Variants in EIF4A3 observed in about 807,000 individuals in gnomAD.
The protein encoded by EIF4A3 is eukaryotic initiation factor 4A-III.
EIF4A3 carries 1 observed loss-of-function variant against 55.6 expected under a neutral mutation model. The ratio of observed to expected loss-of-function variants is 0.02; its 90% confidence interval spans 0.01 to 0.09. EIF4A3 has a LOEUF of 0.09. Among genes scored for constraint, EIF4A3 ranks in the 10% least tolerant of loss-of-function variants. The pLI, the probability that EIF4A3 is intolerant of heterozygous loss-of-function variation, is 1.00. For missense variants in EIF4A3, 221 were observed against 540.7 expected, an observed-to-expected ratio of 0.41 and a Z score of 5.86; for synonymous variants, 194 against 196.3, an observed-to-expected ratio of 0.99 and a Z score of 0.10.
chr17:80,139,648 G>T, intron 6 of EIF4A3, 22 bp downstream of exon 6: 1 of 1,595,388 alleles, frequency 6.3e-7, no homozygotes, highest in Non-Finnish European at 8.6e-7. Context: ...CAGTAGAAGA[G>T]TAATTCTTTT....
Position 80,134,916 on chromosome 17 carries a change from C to A in EIF4A3, c.*574G>T, listed in dbSNP as rs972468025. Among the ~76,000 whole-genome samples, 1 of 152,046 alleles carries A rather than the reference C, an allele frequency of 6.6e-6. No individual in the cohort carries two copies. ...CCTGTAATCCCAGCACTTTGGGAGG[C>A]CGAGGTGGGTGGATCACGAGGTCAG... On this transcript the variant is annotated 3_prime_UTR_variant, in exon 12 of 12. Transcript: ENST00000649764.
At chr17:80,138,885 C>T (rs865822855) in intron 7 of EIF4A3, 136 bp downstream of exon 7, 4 of 1,171,596 alleles carry the variant, frequency 3.4e-6, no homozygotes, top group Non-Finnish European at 2.4e-6. Context: ...AAGAGGATAG[C>T]CTGAGGTCCG....
intron 1 of EIF4A3, 55 bp downstream of exon 1, chr17:80,146,738 C>G: frequency 6.4e-7 from 1 of 1,568,992 alleles, no homozygotes; most frequent in Non-Finnish European, 8.6e-7. Flanking sequence ...GCCCTCAGCC[C>G]CCGGCTCGCC....
intron 9 of EIF4A3, chr17:80,136,649 T>C (rs1295168150): frequency 3.3e-6 from 1 of 303,258 alleles, no homozygotes; most frequent in Non-Finnish European, 6.1e-6. Flanking sequence ...TACTTCACTT[T>C]TGCCTAGCAA....
At chr17:80,140,313 CTTTT>C (rs34707524) in intron 4 of EIF4A3, 173 bp from the exon 5 acceptor site, 3,540 of 416,946 alleles carry the variant, frequency 8.5e-3, no homozygotes, top group South Asian at 0.016. Flanking sequence ...GTTAATTTTG[CTTTT>C]TTTTTTTTTT....
At chr17:80,144,727 T>C (rs2039645623) in intron 1 of EIF4A3, among the ~76,000 whole-genome samples, 1 of 152,212 alleles carries the variant, frequency 6.6e-6, no homozygotes. Context: ...TCTCTCCTAC[T>C]AGCTAGCATT....
rs756324175 is a variant in EIF4A3 at position 80,138,979 on chromosome 17, G to A, written c.728+42C>T. On this transcript the variant is annotated intron_variant, in intron 7 of 11. Transcript: ENST00000649764. Reference sequence around the variant, plus strand: ...TTACGACATAAAATCCTTTATAAATGCGGCCCAGTGTTTTAGTAAACTTGA... The same window carrying A: ...TTACGACATAAAATCCTTTATAAATACGGCCCAGTGTTTTAGTAAACTTGA... 8.7e-6 allele frequency: 14 copies of A among 1,602,322 alleles called. No homozygotes were observed. The South Asian group carries it at 1.6e-4, about 18-fold the overall frequency.
At chr17:80,136,936 G>A (rs76264216) in intron 9 of EIF4A3, 2,541 of 155,872 alleles carry the variant, frequency 0.016, 67 homozygotes, top group African/African-American at 0.058. Flanking sequence ...CCTGGGTAAC[G>A]AAGTGAGACT....
At chr17:80,138,039 T>A in intron 8 of EIF4A3, 103 bp downstream of exon 8, 5 of 1,447,676 alleles carry the variant, frequency 3.5e-6, no homozygotes, top group Non-Finnish European at 4.7e-6. Flanking sequence ...AAGCTTAAAA[T>A]ATGGACAAAC....
intron 2 of EIF4A3, among the ~76,000 whole-genome samples, chr17:80,143,301 CTAAA>C (rs1434457370): frequency 6.6e-6 from 1 of 152,174 alleles, no homozygotes; most frequent in Non-Finnish European, 1.5e-5. Flanking sequence ...TAATAAACCA[CTAAA>C]TGTGTTTCCC....
At chr17:80,135,687 G>A (rs953475688) in intron 11 of EIF4A3, 181 bp from the exon 12 acceptor site, 3 of 632,828 alleles carry the variant, frequency 4.7e-6, no homozygotes, top group Admixed American at 3.2e-5. Context: ...TTTGAGGCCA[G>A]GAGTTCGAGA....
intron 4 of EIF4A3, 186 bp from the exon 5 acceptor site, chr17:80,140,326 T>C: frequency 1.2e-6 from 1 of 816,798 alleles, no homozygotes; most frequent in Non-Finnish European, 1.7e-6. Context: ...TTTTTTTTTT[T>C]TTTTTGAGAC....
intron 1 of EIF4A3, among the ~76,000 whole-genome samples, chr17:80,145,138 G>C (rs1299524499): frequency 6.6e-6 from 1 of 152,194 alleles, no homozygotes; most frequent in Admixed American, 6.5e-5. Context: ...CAGTGTCTTA[G>C]GGCAGGGACT....
At chr17:80,144,437 A>G (rs1050660682) in intron 1 of EIF4A3, among the ~76,000 whole-genome samples, 193 bp from the exon 2 acceptor site, 1 of 151,858 alleles carries the variant, frequency 6.6e-6, no homozygotes, top group Admixed American at 6.6e-5. Context: ...CTAACGTGGG[A>G]TATTATTTGT....
chr17:80,138,764 T>A (rs1021708288), intron 7 of EIF4A3: 3 of 447,182 alleles, frequency 6.7e-6, no homozygotes, highest in Non-Finnish European at 1.2e-5. Context: ...ACCTGGCTAA[T>A]TTTTTATTAT....
At chr17:80,137,992 G>A (rs2039586838) in intron 8 of EIF4A3, 150 bp downstream of exon 8, 2 of 1,034,706 alleles carry the variant, frequency 1.9e-6, no homozygotes, top group Non-Finnish European at 2.8e-6. Flanking sequence ...TTTGCATATT[G>A]TCTACAGCTG....
At chr17:80,142,030 T>C (rs1444397927) in intron 2 of EIF4A3, among the ~76,000 whole-genome samples, 182 bp from the exon 3 acceptor site, 1 of 152,152 alleles carries the variant, frequency 6.6e-6, no homozygotes, top group Non-Finnish European at 1.5e-5. Flanking sequence ...TAAGTGTCCA[T>C]GAAGAAAGAG....
In EIF4A3 at chr17:80,145,652, C is replaced by A. The variant is rs930279933; in HGVS notation, c.169+1141G>T. Among the ~76,000 whole-genome samples, 8 of 152,216 alleles carry A rather than the reference C, an allele frequency of 5.3e-5. No homozygotes were observed. The East Asian group carries it at 9.6e-4, about 18-fold the overall frequency. The stretch of plus-strand genomic sequence containing the variant: ...AAACACAGGCCATTTATCCCAGATG[C>A]TGGTCATTCCCATCTATGTGCCCAA... On this transcript the variant is annotated intron_variant, in intron 1 of 11. Coordinates refer to ENST00000649764, the MANE Select transcript of EIF4A3 (RefSeq NM_014740.4).
intron 7 of EIF4A3, 53 bp from the exon 8 acceptor site, chr17:80,138,333 G>C (rs990690384): frequency 6.2e-7 from 1 of 1,602,578 alleles, no homozygotes; most frequent in Non-Finnish European, 8.5e-7. Flanking sequence ...TCTAGGACTT[G>C]AGGGTGGGCC....
Sources: allele counts gnomAD v4.1 joint callset (sites outside exome capture counted in the v4.1 genomes callset), GRCh38; gene constraint gnomAD v4.1.1; transcripts MANE v1.5; gene names NCBI Gene and HGNC (gene_info 2026-07-23, HGNC 2026-07-21).